DMD: variants seen among roughly 807,000 people sequenced by gnomAD.
DMD encodes dystrophin.
DMD carries 63 observed loss-of-function variants against 330.1 expected under a neutral mutation model. That is an observed-to-expected ratio of 0.19 (90% CI 0.16 to 0.24). DMD has a LOEUF of 0.24. Among genes scored for constraint, DMD ranks in the 10% least tolerant of loss-of-function variants. The probability of loss-of-function intolerance (pLI) is 1.00; values close to 1 mark genes in which losing one functional copy is unlikely to be tolerated. For missense variants in DMD, 3,344 were observed against 2,684.1 expected, an observed-to-expected ratio of 1.25 and a Z score of -5.43; for synonymous variants, 1,223 against 959.8, an observed-to-expected ratio of 1.27 and a Z score of -5.07.
At chrX:32,584,169 A>C (rs910390398) in intron 13 of DMD, among the ~76,000 whole-genome samples, 6 of 111,694 alleles carry the variant, frequency 5.4e-5, no homozygotes, top group East Asian at 2.8e-4. Context: ...AATGGCCAAT[A>C]ACAACTGAAA....
At chrX:32,881,754 G>GCA (rs2083967002) in intron 2 of DMD, among the ~76,000 whole-genome samples, 1 of 111,888 alleles carries the variant, frequency 8.9e-6, no homozygotes, top group Non-Finnish European at 1.9e-5. Flanking sequence ...AGACATATTA[G>GCA]CACTCATGCT....
At chrX:33,157,604 T>C (rs2048567373) in intron 1 of DMD, among the ~76,000 whole-genome samples, 1 of 112,102 alleles carries the variant, frequency 8.9e-6, no homozygotes, top group Admixed American at 9.5e-5. Context: ...AACTACTACA[T>C]CCAACTTAGC....
intron 33 of DMD, among the ~76,000 whole-genome samples, chrX:32,382,685 TG>T (rs1218992038): frequency 9.2e-6 from 1 of 108,474 alleles, no homozygotes; most frequent in African/African-American, 3.3e-5. Flanking sequence ...TAGGGGTGTG[TG>T]GGGGGTGAGG....
intron 43 of DMD, among the ~76,000 whole-genome samples, chrX:32,265,389 A>C (rs1243264832): frequency 8.9e-6 from 1 of 112,582 alleles, no homozygotes; most frequent in Admixed American, 9.3e-5. Context: ...ATATATGGAA[A>C]TGTCTAGATA....
At chrX:31,779,757 G>A (rs990041289) in intron 50 of DMD, among the ~76,000 whole-genome samples, 14 of 109,346 alleles carry the variant, frequency 1.3e-4, no homozygotes, top group Non-Finnish European at 1.3e-4. Flanking sequence ...AGAGAGAGAG[G>A]GCATCTGAAT....
chrX:31,241,216 G>T (rs190228051), intron 63 of DMD, among the ~76,000 whole-genome samples: 2 of 111,477 alleles, frequency 1.8e-5, no homozygotes, highest in East Asian at 5.7e-4. Context: ...TCTTCAAAAT[G>T]CCACTGTCCC....
chrX:32,301,348 T>G (rs996432505), intron 42 of DMD, among the ~76,000 whole-genome samples: 8 of 110,682 alleles, frequency 7.2e-5, no homozygotes, highest in African/African-American at 2.3e-4. Context: ...TAACACTATT[T>G]AATTTTTGCC....
At chrX:32,998,740 A>G (rs1322053712) in intron 2 of DMD, among the ~76,000 whole-genome samples, 4 of 111,744 alleles carry the variant, frequency 3.6e-5, no homozygotes, top group South Asian at 7.3e-4. Flanking sequence ...TGCTTGAACA[A>G]ATTGAAATGC....
intron 4 of DMD, among the ~76,000 whole-genome samples, chrX:32,843,623 CTT>C (rs1372833097): frequency 1.8e-5 from 2 of 112,014 alleles, no homozygotes; most frequent in Admixed American, 1.9e-4. Context: ...TCTATCCCTG[CTT>C]ATGGTTATTT....
rs779607147 is a variant in DMD at position 31,262,798 on chromosome X, T to C, written c.9225-1782A>G. Among the ~76,000 whole-genome samples, 7 of 112,745 alleles carry C rather than the reference T, an allele frequency of 6.2e-5. No individual in the cohort carries two copies. In the East Asian group the frequency reaches 1.4e-3, roughly 23 times the overall value. On this transcript the variant is annotated intron_variant, in intron 62 of 78. Coordinates refer to ENST00000357033, the MANE Select transcript of DMD (RefSeq NM_004006.3). ...CTGGAGAAGGGGTAGGCAGGACTGG[T>C]ACTTTACATGCACAGCACAAGGAGG...
intron 27 of DMD, among the ~76,000 whole-genome samples, chrX:32,442,078 T>A (rs1435344267): frequency 9.0e-6 from 1 of 110,874 alleles, no homozygotes; most frequent in Non-Finnish European, 1.9e-5. Context: ...TTAAAATTTC[T>A]ACAAGAAAAT....
At chrX:32,360,664 G>A (rs1041556025) in intron 37 of DMD, among the ~76,000 whole-genome samples, 8 of 108,804 alleles carry the variant, frequency 7.4e-5, no homozygotes, top group African/African-American at 1.3e-4. Flanking sequence ...GCGCCCGCCC[G>A]TAATCCCAGC....
intron 1 of DMD, among the ~76,000 whole-genome samples, chrX:33,108,663 G>A (rs1464231361): frequency 9.7e-6 from 1 of 102,587 alleles, no homozygotes; most frequent in African/African-American, 3.4e-5. Context: ...ATTACCTGAG[G>A]TCAGGAGTTT....
At chrX:32,323,673 C>T (rs755731880) in intron 41 of DMD, among the ~76,000 whole-genome samples, 1 of 111,159 alleles carries the variant, frequency 9.0e-6, no homozygotes, top group Non-Finnish European at 1.9e-5. Flanking sequence ...TGGGAAACAG[C>T]ACTAGTAAAA....
chrX:31,520,827 C>T (rs934832733), intron 55 of DMD, among the ~76,000 whole-genome samples: 7 of 110,294 alleles, frequency 6.3e-5, no homozygotes, highest in Admixed American at 5.8e-4. Flanking sequence ...CTACAGGCGC[C>T]CGCCACCACG....
At chrX:31,383,255 C>T (rs910278105) in intron 60 of DMD, among the ~76,000 whole-genome samples, 2 of 111,557 alleles carry the variant, frequency 1.8e-5, no homozygotes, top group African/African-American at 6.5e-5. Flanking sequence ...ACGGCCCTAC[C>T]CCTATCTCCC....
intron 1 of DMD, among the ~76,000 whole-genome samples, chrX:33,097,261 G>A (rs1343782491): frequency 9.2e-6 from 1 of 109,144 alleles, no homozygotes; most frequent in Non-Finnish European, 1.9e-5. Flanking sequence ...CATTCTAGAT[G>A]GTTCCACATA....
At chrX:31,391,532 G>A (rs1031712510) in intron 60 of DMD, among the ~76,000 whole-genome samples, 6 of 111,481 alleles carry the variant, frequency 5.4e-5, no homozygotes, top group East Asian at 2.8e-4. Context: ...ACAATATGCC[G>A]GGTGTTTGGA....
At chrX:32,841,926 C>G (rs1052761474) in intron 4 of DMD, among the ~76,000 whole-genome samples, 4 of 111,962 alleles carry the variant, frequency 3.6e-5, no homozygotes, top group Non-Finnish European at 7.5e-5. Flanking sequence ...ACATTTGCAA[C>G]TCAAAACAAA....
Sources: gnomAD v4.1 joint callset for allele counts (sites outside exome capture counted in the v4.1 genomes callset) on GRCh38, gnomAD v4.1.1 for gene constraint, MANE v1.5 for transcripts, NCBI Gene and HGNC (gene_info 2026-07-23, HGNC 2026-07-21) for gene names.